Variants in IST1 observed in about 807,000 individuals in gnomAD.
IST1 encodes the protein IST1 homolog.
A neutral mutation model predicts 37.0 loss-of-function variants in IST1; 23 were observed. That is an observed-to-expected ratio of 0.62 (90% confidence interval 0.45 to 0.88). The LOEUF is 0.88. Among genes scored for constraint, IST1 ranks in the 40% least tolerant of loss-of-function variants. IST1 has a pLI of 0.00. For missense variants in IST1, 488 were observed against 445.4 expected, an observed-to-expected ratio of 1.10 and a Z score of -0.86; for synonymous variants, 180 against 161.7, an observed-to-expected ratio of 1.11 and a Z score of -0.86.
chr16:71,895,091 G>A (rs955875829), upstream of IST1: 2 of 387,004 alleles, frequency 5.2e-6, no homozygotes, highest in Non-Finnish European at 4.8e-6. Flanking sequence ...CCCCTCGGCC[G>A]CTCCACCCAG....
At chr16:71,899,501 C>T (rs1428275509) in intron 1 of IST1, among the ~76,000 whole-genome samples, 2 of 152,204 alleles carry the variant, frequency 1.3e-5, no homozygotes, top group African/African-American at 4.8e-5. Flanking sequence ...TGTTTCTACT[C>T]TAACATCACA....
At position 71,929,884 on chromosome 16, in the gene IST1, C is replaced by CTT; in HGVS notation, c.*2072_*2073dup. ...CAATGGCTATAGAATATTATGTAGT[C>CTT]TTATAAATTGGGTTTCCTAGGAAGA... On this transcript the variant is annotated 3_prime_UTR_variant, in exon 10 of 10. Transcript: ENST00000378799. 2.9e-6 allele frequency: 3 copies of CTT among 1,025,628 alleles called. No homozygotes were observed. The highest frequency in any genetic ancestry group is 4.1e-6 in the Non-Finnish European group (3 of 723,804). The allele number at this position is 1,025,628 out of a possible 1,614,324, so 63.5% of individuals were successfully genotyped here. A position where few individuals can be genotyped will look rare whatever the true frequency, so the allele number is the denominator to read the frequency against.
chr16:71,904,171 C>G (rs2037169780), intron 1 of IST1, among the ~76,000 whole-genome samples: 1 of 152,156 alleles, frequency 6.6e-6, no homozygotes, highest in African/African-American at 2.4e-5. Context: ...GTTGCCCAGG[C>G]TGAGTGCAGT....
intron 1 of IST1, among the ~76,000 whole-genome samples, chr16:71,913,579 C>T (rs1238170914): frequency 6.6e-6 from 1 of 152,210 alleles, no homozygotes; most frequent in African/African-American, 2.4e-5. Flanking sequence ...TGGCTCACCA[C>T]AGCCTCTGCT....
rs1332100605 is a variant in IST1 at position 71,929,518 on chromosome 16, C to T, written c.*1705C>T. The stretch of plus-strand genomic sequence containing the variant: ...TAGTAATACGCTAATAAATACTAAG[C>T]CAAGTAGGAGATAACAGGATTAAGG... On this transcript the variant is annotated 3_prime_UTR_variant, in exon 10 of 10. Transcript: ENST00000378799. 21 of 1,540,816 alleles carry T rather than the reference C, an allele frequency of 1.4e-5. No individual in the cohort carries two copies. The highest frequency in any genetic ancestry group is 2.8e-5 in the African/African-American group (2 of 72,380).
At position 71,929,768 on chromosome 16, in the gene IST1, T is replaced by C. The variant is rs2037859256; in HGVS notation, c.*1955T>C. 7.2e-6 allele frequency: 9 copies of C among 1,244,828 alleles called. No homozygotes were observed. The highest frequency in any genetic ancestry group is 8.8e-6 in the Non-Finnish European group (8 of 910,474). The allele number at this position is 1,244,828 out of a possible 1,614,324, so 77.1% of individuals were successfully genotyped here. On this transcript the variant is annotated 3_prime_UTR_variant, in exon 10 of 10. Transcript: ENST00000378799. ...AAAAGTACCAAAGATTTTTAAAAAA[T>C]TAGTAAATGTAAAGATACTATTTCT...
At chr16:71,895,190 T>C (rs1222015679), upstream of IST1, 1 of 206,672 alleles carries the variant, frequency 4.8e-6, no homozygotes, top group East Asian at 1.4e-4. Context: ...TATGGAAGAA[T>C]CCGGAACCAA....
chr16:71,901,609 G>A (rs991591365), intron 1 of IST1, among the ~76,000 whole-genome samples: 6 of 152,296 alleles, frequency 3.9e-5, no homozygotes, highest in Middle Eastern at 3.4e-3. Context: ...GTGGTTTACT[G>A]TCATTGTCTT....
chr16:71,930,313 C>G lies in IST1; in HGVS notation c.*2500C>G. Reference sequence around the variant, plus strand: ...TCCGAAGGAAACTTAGGGAGAGAGTCAAAAGATAATAAGAAGGAAAATACT... The same window carrying G: ...TCCGAAGGAAACTTAGGGAGAGAGTGAAAAGATAATAAGAAGGAAAATACT... On this transcript the variant is annotated 3_prime_UTR_variant, in exon 10 of 10. Transcript: ENST00000378799. 1.1e-6 allele frequency: 1 copy of G among 907,382 alleles called. No homozygotes were observed. The highest frequency in any genetic ancestry group is 1.5e-6 in the Non-Finnish European group (1 of 647,878). The allele number at this position is 907,382 out of a possible 1,614,324, so 56.2% of individuals were successfully genotyped here. A position where few individuals can be genotyped will look rare whatever the true frequency, so the allele number is the denominator to read the frequency against.
chr16:71,895,565 T>G lies in IST1; in HGVS notation c.-40T>G, dbSNP rs1168458874. The G allele has an allele frequency of 3.0e-6, 3 of 985,444 alleles. No homozygotes were observed. The highest frequency in any genetic ancestry group is 1.2e-4 in the Admixed American group (2 of 16,264). The allele number at this position is 985,444 out of a possible 1,614,324, so 61.0% of individuals were successfully genotyped here. On this transcript the variant is annotated 5_prime_UTR_variant, in exon 1 of 10. Coordinates refer to ENST00000378799, the MANE Select transcript of IST1 (RefSeq NM_001270975.2). ...GGTGAACCCTGAAGTCGGTGTCTGC[T>G]GCGTTCACGGCAGGATTCGGTTAGG...
At chr16:71,924,018 A>G (rs2037676083) in intron 8 of IST1, 4 of 428,326 alleles carry the variant, frequency 9.3e-6, no homozygotes, top group South Asian at 5.0e-5. Context: ...TTTGCTATGT[A>G]AATTACTCAT....
At chr16:71,901,268 CAGT>C (rs2037101781) in intron 1 of IST1, among the ~76,000 whole-genome samples, 1 of 151,940 alleles carries the variant, frequency 6.6e-6, no homozygotes, top group Non-Finnish European at 1.5e-5. Flanking sequence ...GGCTGGAGTG[CAGT>C]AGCACGATCT....
chr16:71,917,745 C>G (rs2037496174), intron 4 of IST1, among the ~76,000 whole-genome samples: 1 of 152,050 alleles, frequency 6.6e-6, no homozygotes. Flanking sequence ...AACCCATCTA[C>G]TGAGATTTCC....
chr16:71,910,530 T>C (rs959661175), intron 1 of IST1, among the ~76,000 whole-genome samples: 1 of 147,550 alleles, frequency 6.8e-6, no homozygotes, highest in African/African-American at 2.5e-5. Flanking sequence ...GGCGTGAACC[T>C]GGGAGGCGGA....
At chr16:71,895,922 G>A (rs1034582397) in intron 1 of IST1, among the ~76,000 whole-genome samples, 3 of 152,178 alleles carry the variant, frequency 2.0e-5, no homozygotes, top group African/African-American at 7.2e-5. Flanking sequence ...AAACGCCGCG[G>A]CCTCGGCGAG....
At chr16:71,902,045 T>C (rs946452487) in intron 1 of IST1, among the ~76,000 whole-genome samples, 1 of 152,188 alleles carries the variant, frequency 6.6e-6, no homozygotes, top group African/African-American at 2.4e-5. Flanking sequence ...AAAATATGGG[T>C]CCATTGACTG....
At position 71,927,729 on chromosome 16, in the gene IST1, T is replaced by C. The variant is rs761018765; in HGVS notation, c.1017T>C (p.Ser339=). The C allele has an allele frequency of 6.8e-6, 11 of 1,613,548 alleles. No homozygotes were observed. In the East Asian group the frequency reaches 1.1e-4, roughly 16 times the overall value. The change falls in exon 10 of 10, where the codon TCT becomes TCC. Residue 339 remains serine, a synonymous_variant. Coordinates refer to ENST00000378799, the MANE Select transcript of IST1 (RefSeq NM_001270975.2). ...PSVPDTLPTA[S]AGASTSASED... is the part of the protein sequence containing the mutation. ...TGCCAGACACACTACCAACTGCATC[T>C]GCTGGTGCCAGCACCTCAGCATCTG...
At chr16:71,924,562 G>A (rs1261034834) in intron 8 of IST1, 2 of 598,536 alleles carry the variant, frequency 3.3e-6, no homozygotes. Context: ...CTGCACTCCA[G>A]CCTGGGTGAC....
Position 71,928,431 on chromosome 16 carries a change from A to G in IST1, c.*618A>G, listed in dbSNP as rs1483555723. 2 of 152,910 alleles carry G rather than the reference A, an allele frequency of 1.3e-5. No homozygotes were observed. The highest frequency in any genetic ancestry group is 2.4e-5 in the African/African-American group (1 of 41,400). 9.5% of individuals were successfully genotyped at this position (152,910 alleles called of 1,614,324 possible). ...GGATCCAGTTGCAAAGTTTGTCTTG[A>G]CAGTTGAAGGCCTCGCTTAGTTGTA... On this transcript the variant is annotated 3_prime_UTR_variant, in exon 10 of 10. Transcript: ENST00000378799.
Sources: gnomAD v4.1 joint callset for allele counts (sites outside exome capture counted in the v4.1 genomes callset) on GRCh38, gnomAD v4.1.1 for gene constraint, MANE v1.5 for transcripts, NCBI Gene and HGNC (gene_info 2026-07-23, HGNC 2026-07-21) for gene names.